UCKL1: variants seen among roughly 807,000 people sequenced by gnomAD.
UCKL1 encodes the protein uridine-cytidine kinase 1 like 1.
In UCKL1, 65 loss-of-function variants were observed where a neutral mutation model predicts 59.2. That is an observed-to-expected ratio of 1.10 (90% CI 0.90 to 1.35). The LOEUF is 1.35. Ranked by LOEUF, UCKL1 falls within the 40% of genes most tolerant of loss-of-function variation. UCKL1 has a pLI of 0.00. For synonymous variants in UCKL1, 410 were observed against 323.1 expected, an observed-to-expected ratio of 1.27 and a Z score of -2.88; for missense variants, 703 against 784.3, an observed-to-expected ratio of 0.90 and a Z score of 1.24.
intron 8 of UCKL1, among the ~76,000 whole-genome samples, chr20:63,941,850 C>T (rs2054560351): frequency 1.4e-5 from 2 of 141,800 alleles, no homozygotes; most frequent in Admixed American, 1.4e-4. Context: ...ATGACAGGGG[C>T]AGGGAATGGG....
Position 63,941,043 on chromosome 20 carries a change from C to G in UCKL1, c.1023G>C (p.Arg341Ser). 1.9e-6 allele frequency: 3 copies of G among 1,583,930 alleles called. No individual in the cohort carries two copies. Among genetic ancestry groups the G allele is most frequent in the Non-Finnish European group, 2.6e-6 (3 of 1,167,728 alleles). ...PQVRGMHTII[R>S]DKETSRDEFI... ...ACTCGTCGCGACTGGTCTCCTTGTC[C>G]CTGTGGGGCCAACAGTTGAGCGGGA... Residue 341 changes from arginine (R) to serine (S), a missense_variant and splice_region_variant, in exon 10 of 15, where the codon AGG becomes AGC. Arg to Ser is a moderately radical substitution (Grantham distance 110, BLOSUM62 -1). Transcript: ENST00000354216.
intron 1 of UCKL1, chr20:63,954,658 GA>G (rs2058261914): frequency 6.6e-6 from 1 of 152,296 alleles, no homozygotes. Context: ...CAAAGTGCAA[GA>G]AATGTGCCTA....
chr20:63,945,871 C>T lies in UCKL1; in HGVS notation c.516G>A (p.Leu172=). The change falls in exon 4 of 15, where the codon CTG becomes CTA. Residue 172 remains leucine, a synonymous_variant. Coordinates refer to ENST00000354216, the MANE Select transcript of UCKL1 (RefSeq NM_017859.4). ...GCACCTTGACACTCTTCCCCTGCTT[C>T]AGCTTCTTGAGGGTGGAAATGATGA... ...FDLIISTLKK[L]KQGKSVKVPI... is the part of the protein sequence containing the mutation. 1.2e-6 allele frequency: 2 copies of T among 1,613,868 alleles called. No individual in the cohort carries two copies. Among genetic ancestry groups the T allele is most frequent in the South Asian group, 1.1e-5 (1 of 91,082 alleles).
In UCKL1 at chr20:63,946,453, C is replaced by T. The variant is rs959206956; in HGVS notation, c.304G>A (p.Gly102Ser). 15 of 1,554,608 alleles carry T rather than the reference C, an allele frequency of 9.6e-6. No homozygotes were observed. Among genetic ancestry groups the T allele is most frequent in the Admixed American group, 3.7e-5 (2 of 53,766 alleles). Residue 102 changes from glycine (G) to serine (S), a missense_variant and splice_region_variant, in exon 2 of 15, where the codon GGC becomes AGC. Transcript: ENST00000354216. ...GGTCCCACCCCCCCGCTGCTCTCAC[C>T]GATGGCGAAGGCCTCTTTGGATTGC... Reference protein sequence around the residue: ...GTQSKEAFAIGLGGGSASGKT... With the variant: ...GTQSKEAFAISLGGGSASGKT...
Position 63,940,207 on chromosome 20 carries a change from T to C in UCKL1, c.1510A>G (p.Ile504Val). 6.2e-7 allele frequency: 1 copy of C among 1,612,796 alleles called. No individual in the cohort carries two copies. The highest frequency in any genetic ancestry group is 8.5e-7 in the Non-Finnish European group (1 of 1,179,990). The change falls in exon 14 of 15, where the codon ATC becomes GTC. Residue 504 changes from isoleucine to valine, a missense_variant. Ile to Val is a conservative substitution (Grantham distance 29). Around this residue, in one of 4 missense-constraint regions of UCKL1, gnomAD observed 124 missense variants for 161.1 expected, o/e 0.77. Transcript: ENST00000354216. ...ACCCGCTTGTCCACCGCCGTGGTGATGATTCTCACTCGCGGAAATGCATAG... is the reference window on the plus strand; with the variant it reads ...ACCCGCTTGTCCACCGCCGTGGTGACGATTCTCACTCGCGGAAATGCATAG... ...VAYAFPRVRI[I>V]TTAVDKRVND...
chr20:63,953,379 C>CAAAA (rs1156869840), intron 1 of UCKL1: 1 of 150,684 alleles, frequency 6.6e-6, no homozygotes, highest in African/African-American at 2.5e-5. Context: ...AACTCCATCT[C>CAAAA]AAAAACAAAA....
rs200950543 is a variant in UCKL1 at position 63,946,478 on chromosome 20, C to T, written c.279G>A (p.Thr93=). The T allele has an allele frequency of 7.5e-5, 118 of 1,571,410 alleles. No individual in the cohort carries two copies. The East Asian group carries it at 1.8e-3, about 24-fold the overall frequency. ...CGATGGCGAAGGCCTCTTTGGATTG[C>T]GTGCCGTGTTCATTGTACCAGGGCG... is the stretch of plus-strand genomic sequence containing the variant. ...GRPPWYNEHG[T]QSKEAFAIGL... Residue 93 remains threonine (T), a synonymous_variant, in exon 2 of 15, where the codon ACG becomes ACA. Transcript: ENST00000354216.
At chr20:63,946,820 G>C (rs576072230) in intron 1 of UCKL1, among the ~76,000 whole-genome samples, 177 bp from the exon 2 acceptor site, 186 of 152,204 alleles carry the variant, frequency 1.2e-3, no homozygotes, top group Non-Finnish European at 2.3e-3. Context: ...GCTCATGCCT[G>C]TAATCCCAGT....
In UCKL1 at chr20:63,944,746, A is replaced by G. The variant is rs1195565717; in HGVS notation, c.655-12T>C. 42 of 1,611,646 alleles carry G rather than the reference A, an allele frequency of 2.6e-5. No individual in the cohort carries two copies. The highest frequency in any genetic ancestry group is 3.3e-5 in the Non-Finnish European group (39 of 1,179,796). On this transcript the variant is annotated splice_polypyrimidine_tract_variant and intron_variant, in intron 5 of 14. Transcript: ENST00000354216. ...TTCATGTCCAGGAGCTGGTGGAGACAGCGGGCCAGTGAGTGGCCAGATGCC... is the reference window on the plus strand; with the variant it reads ...TTCATGTCCAGGAGCTGGTGGAGACGGCGGGCCAGTGAGTGGCCAGATGCC...
intron 1 of UCKL1, among the ~76,000 whole-genome samples, chr20:63,950,544 T>A (rs1041202446): frequency 6.6e-6 from 1 of 152,050 alleles, no homozygotes; most frequent in African/African-American, 2.4e-5. Context: ...CCCGGAGGGT[T>A]CCAAGCCGTA....
intron 1 of UCKL1, chr20:63,954,542 GT>G (rs2058239539): frequency 6.6e-6 from 1 of 152,426 alleles, no homozygotes; most frequent in Non-Finnish European, 1.5e-5. Context: ...AGCAGCAGAG[GT>G]TGAAGAGGGG....
intron 8 of UCKL1, among the ~76,000 whole-genome samples, chr20:63,941,942 GAGGC>G (rs927761474): frequency 1.3e-5 from 2 of 150,586 alleles, no homozygotes; most frequent in African/African-American, 4.9e-5. Flanking sequence ...GGGAAGGAAA[GAGGC>G]AGGGCACGGA....
Position 63,940,977 on chromosome 20 carries a change from C to T in UCKL1, c.1089G>A (p.Glu363=). The T allele has an allele frequency of 6.5e-7, 1 of 1,528,894 alleles. No homozygotes were observed. Among genetic ancestry groups the T allele is most frequent in the Non-Finnish European group, 8.8e-7 (1 of 1,136,180 alleles). The allele number at this position is 1,528,894 out of a possible 1,614,324, so 94.7% of individuals were successfully genotyped here. Residue 363 remains glutamate, a synonymous_variant, in exon 10 of 15, where the codon GAG becomes GAA. Transcript: ENST00000354216. ...GAAAGGGCAGGAAGGAGAGCGCGTG[C>T]TCGATGAGCAGCCGCATCAGTCTCT... ...YSKRLMRLLI[E]HALSFLPFQD... is the part of the protein sequence containing the mutation.
At chr20:63,947,997 G>A (rs538963621) in intron 1 of UCKL1, among the ~76,000 whole-genome samples, 1 of 151,512 alleles carries the variant, frequency 6.6e-6, no homozygotes, top group Non-Finnish European at 1.5e-5. Context: ...CTGCTGGGGG[G>A]TTGGGGGGGC....
chr20:63,945,654 C>T lies in UCKL1; in HGVS notation c.651G>A (p.Leu217=), dbSNP rs750576759. ...GIMAFADKTL[L]ELLDMKIFVD... is the part of the protein sequence containing the mutation. ...GGTATTCCCGGCGGGTGCTTACCTCCAACAGTGTCTTGTCAGCAAAGGCCA... is the reference window on the plus strand; with the variant it reads ...GGTATTCCCGGCGGGTGCTTACCTCTAACAGTGTCTTGTCAGCAAAGGCCA... Residue 217 remains leucine, a synonymous_variant, in exon 5 of 15, where the codon TTG becomes TTA. Transcript: ENST00000354216. 2 of 1,612,936 alleles carry T rather than the reference C, an allele frequency of 1.2e-6. No homozygotes were observed. The highest frequency in any genetic ancestry group is 2.2e-5 in the South Asian group (2 of 91,084).
chr20:63,948,550 A>G, intron 1 of UCKL1: 2 of 27,762 alleles, frequency 7.2e-5, no homozygotes, highest in African/African-American at 1.7e-4. Context: ...CCTCGGTGTG[A>G]GGAGGGAGGC....
intron 1 of UCKL1, among the ~76,000 whole-genome samples, chr20:63,952,948 G>A (rs778029964): frequency 7.9e-5 from 12 of 152,256 alleles, no homozygotes; most frequent in Non-Finnish European, 1.8e-4. Context: ...TGATGTCATC[G>A]TCAAGAAATA....
intron 1 of UCKL1, 127 bp downstream of exon 1, chr20:63,956,133 C>G: frequency 1.1e-6 from 1 of 929,300 alleles, no homozygotes; most frequent in Non-Finnish European, 1.5e-6. Flanking sequence ...GAGAACGGGG[C>G]GCCGCCGCCT....
At position 63,945,919 on chromosome 20, in the gene UCKL1, G is replaced by C; in HGVS notation, c.468C>G (p.His156Gln). 6.2e-7 allele frequency: 1 copy of C among 1,613,902 alleles called. No homozygotes were observed. Among genetic ancestry groups the C allele is most frequent in the Non-Finnish European group, 8.5e-7 (1 of 1,179,994 alleles). Residue 156 changes from histidine to glutamine, a missense_variant, in exon 4 of 15, where the codon CAC (histidine) becomes CAG (glutamine). Transcript: ENST00000354216. The part of the protein sequence containing the change: ...QAAHNNFNFD[H>Q]PDAFDFDLII... ...TGAGGTCGAAGTCAAAGGCATCTGG[G>C]TGGTCGAAGTTGAAGTTGTTGTGTG... is the stretch of plus-strand genomic sequence containing the variant.
Sources: gnomAD v4.1 joint callset for allele counts (sites outside exome capture counted in the v4.1 genomes callset) on GRCh38, gnomAD v4.1.1 for gene constraint, gnomAD v4.1.1 regional missense constraint, MANE v1.5 for transcripts, NCBI Gene and HGNC (gene_info 2026-07-23, HGNC 2026-07-21) for gene names.